Variants in CACNA1F observed in about 807,000 individuals in gnomAD.
The protein encoded by CACNA1F is voltage-dependent L-type calcium channel subunit alpha-1F.
CACNA1F carries 59 observed loss-of-function variants against 143.8 expected under a neutral mutation model. The ratio of observed to expected loss-of-function variants is 0.41; its 90% CI spans 0.33 to 0.51. The LOEUF (loss-of-function observed/expected upper bound fraction) is 0.51, where lower values mean the gene tolerates loss of function less well. Ranked by LOEUF, CACNA1F falls within the 20% of genes least tolerant of loss-of-function variation. The pLI is 0.22. For missense variants in CACNA1F, 1,411 were observed against 1,647.5 expected, an observed-to-expected ratio of 0.86 and a Z score of 2.48; for synonymous variants, 643 against 649.1, an observed-to-expected ratio of 0.99 and a Z score of 0.14.
chrX:49,222,282 C>T, intron 17 of CACNA1F: 4 of 399,479 alleles, frequency 1.0e-5, no homozygotes, highest in East Asian at 3.9e-5. Context: ...ATGTTAGTTC[C>T]ATGAAGGCAA....
intron 8 of CACNA1F, 101 bp from the exon 9 acceptor site, chrX:49,227,228 C>G (rs2065835590): frequency 6.0e-6 from 4 of 664,461 alleles, no homozygotes; most frequent in Non-Finnish European, 9.5e-6. Flanking sequence ...TTGAATATGC[C>G]AAGCACATTC....
At chrX:49,213,362 A>T (rs1398541556) in intron 31 of CACNA1F, among the ~76,000 whole-genome samples, 1 of 111,679 alleles carries the variant, frequency 9.0e-6, no homozygotes, top group Non-Finnish European at 1.9e-5. Flanking sequence ...AGAACCATGT[A>T]GTACCCAATG....
At chrX:49,219,835 T>C in intron 19 of CACNA1F, 45 bp from the exon 20 acceptor site, 1 of 782,042 alleles carries the variant, frequency 1.3e-6, no homozygotes, top group East Asian at 3.4e-5. Flanking sequence ...AGCAAGTTGA[T>C]GTAAAGCACC....
At position 49,228,445 on chromosome X, in the gene CACNA1F, T is replaced by A. The variant is rs1557110578; in HGVS notation, c.820A>T (p.Met274Leu). The change falls in exon 7 of 48, where the codon ATG becomes TTG. Residue 274 changes from methionine (M) to leucine (L), a missense_variant and splice_region_variant. Around this residue, in one of 3 missense-constraint regions of CACNA1F, gnomAD observed 950 missense variants for 1,128.1 expected, o/e 0.84. Coordinates refer to ENST00000323022, the MANE Select transcript of CACNA1F (RefSeq NM_001256789.3). ...HKTCYFLGSDMEAEEDPSPCA... is the reference protein window; with the variant it reads ...HKTCYFLGSDLEAEEDPSPCA... Reference sequence around the variant, plus strand: ...GGCGATGGGTCCTCCTCCGCTTCCATGTCTGCAGGAAGACTGGAGCTTGGG... The same window carrying A: ...GGCGATGGGTCCTCCTCCGCTTCCAAGTCTGCAGGAAGACTGGAGCTTGGG... The A allele has an allele frequency of 2.5e-6, 3 of 1,197,029 alleles. No homozygotes were observed. In the South Asian group the frequency reaches 5.4e-5, roughly 22 times the overall value.
rs781951459 is a variant in CACNA1F, at chrX:49,227,916, C to T, written c.1118+120G>A. ...AATGGTGCCTCACATACAATAGATG[C>T]TCATGATTGAATGAAGGAGTATTTC... is the stretch of plus-strand genomic sequence containing the variant. On this transcript the variant is annotated intron_variant, in intron 8 of 47. Coordinates refer to ENST00000323022, the MANE Select transcript of CACNA1F (RefSeq NM_001256789.3). 492 of 540,750 alleles carry T rather than the reference C, an allele frequency of 9.1e-4. 3 individuals carry two copies. In the South Asian group the frequency reaches 0.012, roughly 13 times the overall value. The allele number at this position is 540,750 out of a possible 1,213,427, so 44.6% of individuals were successfully genotyped here.
In CACNA1F at chrX:49,211,367, A is replaced by C; in HGVS notation, c.4215T>G (p.Phe1405Leu). The C allele has an allele frequency of 4.1e-6, 5 of 1,211,237 alleles. No individual in the cohort carries two copies. The highest frequency in any genetic ancestry group is 5.6e-6 in the Non-Finnish European group (5 of 894,919). The change falls in exon 36 of 48, where the codon TTT becomes TTG. Residue 1405 changes from phenylalanine to leucine, a missense_variant. This residue lies in a region of CACNA1F where 112 missense variants were observed against 169.2 expected (regional missense o/e 0.66). Coordinates refer to ENST00000323022, the MANE Select transcript of CACNA1F (RefSeq NM_001256789.3). ...PGEEFTCGSN[F>L]AIAYFISFFM... is the part of the protein sequence containing the mutation. ...AGAAGCTGATGAAATAGGCGATGGC[A>C]AAATTGCTACCACAGGTAAACTCTT...
intron 1 of CACNA1F, among the ~76,000 whole-genome samples, chrX:49,232,141 C>T (rs1289847601): frequency 1.8e-5 from 2 of 111,003 alleles, no homozygotes; most frequent in Admixed American, 1.9e-4. Context: ...ATTACATTTC[C>T]AAGTGAAGTA....
intron 42 of CACNA1F, 162 bp from the exon 43 acceptor site, chrX:49,208,846 C>A: frequency 2.0e-6 from 1 of 502,651 alleles, no homozygotes. Flanking sequence ...TAAATATTTG[C>A]GATAGGGTCT....
intron 43 of CACNA1F, among the ~76,000 whole-genome samples, chrX:49,208,112 C>T (rs1180967339): frequency 2.9e-5 from 3 of 105,083 alleles, no homozygotes; most frequent in Admixed American, 1.0e-4. Flanking sequence ...GCAGGAGAAT[C>T]GCTTGAACCC....
intron 18 of CACNA1F, 78 bp downstream of exon 18, chrX:49,220,957 C>A (rs905790568): frequency 5.7e-6 from 5 of 882,925 alleles, no homozygotes; most frequent in African/African-American, 3.9e-5. Flanking sequence ...ACAACAACAA[C>A]AAAAAAACAG....
intron 38 of CACNA1F, 24 bp from the exon 39 acceptor site, chrX:49,210,427 C>A (rs1320875423): frequency 7.9e-6 from 9 of 1,138,454 alleles, no homozygotes; most frequent in Non-Finnish European, 1.1e-5. Context: ...AGACATGAAA[C>A]CCACTCTGGG....
intron 2 of CACNA1F, 140 bp from the exon 3 acceptor site, chrX:49,231,447 T>C (rs2065877958): frequency 1.6e-6 from 1 of 616,472 alleles, no homozygotes; most frequent in Non-Finnish European, 2.7e-6. Flanking sequence ...TGACAAGGCC[T>C]TGACTTTGTC....
At chrX:49,225,074 G>C in intron 13 of CACNA1F, 88 bp from the exon 14 acceptor site, 1 of 602,378 alleles carries the variant, frequency 1.7e-6, no homozygotes, top group East Asian at 3.6e-5. Context: ...GGTGACCCAC[G>C]GTAGCTGGTA....
intron 17 of CACNA1F, 45 bp downstream of exon 17, chrX:49,222,477 G>C: frequency 9.1e-7 from 1 of 1,102,831 alleles, no homozygotes; most frequent in Non-Finnish European, 1.2e-6. Flanking sequence ...TTCCCAGTCA[G>C]GGATCCCAGA....
At chrX:49,230,796 C>T in intron 4 of CACNA1F, 54 bp downstream of exon 4, 1 of 1,145,833 alleles carries the variant, frequency 8.7e-7, no homozygotes, top group South Asian at 1.9e-5. Flanking sequence ...CAGAATTCAG[C>T]GGGCCTGACG....
In CACNA1F at chrX:49,230,476, C is replaced by G; in HGVS notation, c.655G>C (p.Gly219Arg). 1 of 1,209,661 alleles carries G rather than the reference C, an allele frequency of 8.3e-7. No homozygotes were observed. Among genetic ancestry groups the G allele is most frequent in the Non-Finnish European group, 1.1e-6 (1 of 894,565 alleles). Residue 219 changes from glycine (G) to arginine (R), a missense_variant, in exon 5 of 48, where the codon GGG becomes CGG. Around this residue, in one of 3 missense-constraint regions of CACNA1F, gnomAD observed 950 missense variants for 1,128.1 expected, o/e 0.84. Transcript: ENST00000323022. Reference sequence around the variant, plus strand: ...GGGATGTGCCACTCACTCGGGACCCCAGACACCAGCCTCAGTGGCCGCAGC... The same window carrying G: ...GGGATGTGCCACTCACTCGGGACCCGAGACACCAGCCTCAGTGGCCGCAGC... Reference protein sequence around the residue: ...RVLRPLRLVSGVPSLHIVLNS... With the variant: ...RVLRPLRLVSRVPSLHIVLNS...
intron 46 of CACNA1F, 128 bp from the exon 47 acceptor site, chrX:49,205,941 G>C: frequency 1.7e-6 from 1 of 584,710 alleles, no homozygotes; most frequent in Non-Finnish European, 2.7e-6. Flanking sequence ...TATAAGTCAG[G>C]CTTGAGTTTA....
chrX:49,212,341 A>G, intron 33 of CACNA1F, 33 bp from the exon 34 acceptor site: 1 of 1,073,983 alleles, frequency 9.3e-7, no homozygotes, highest in Non-Finnish European at 1.3e-6. Flanking sequence ...CAGAGAATAG[A>G]TGCACAGGCT....
In CACNA1F at chrX:49,222,757, C is replaced by T. The variant is rs1569528322; in HGVS notation, c.2167G>A (p.Val723Met). ...YGGPFFPGML[V>M]CIYFIILFIC... is the part of the protein sequence containing the mutation. ...AAGAGAATGATGAAATAGATGCACA[C>T]CAACATTCCTGGGAAGAAGGGGCCA... Residue 723 changes from valine to methionine, a missense_variant, in exon 16 of 48, where the codon GTG becomes ATG. Physicochemically the swap from Val to Met is conservative, Grantham distance 21. Coordinates refer to ENST00000323022, the MANE Select transcript of CACNA1F (RefSeq NM_001256789.3). 7.4e-6 allele frequency: 9 copies of T among 1,208,732 alleles called. No individual in the cohort carries two copies. Among genetic ancestry groups the T allele is most frequent in the Non-Finnish European group, 1.0e-5 (9 of 894,376 alleles).
Sources: gnomAD v4.1 joint callset for allele counts (sites outside exome capture counted in the v4.1 genomes callset) on GRCh38, gnomAD v4.1.1 for gene constraint, gnomAD v4.1.1 regional missense constraint, MANE v1.5 for transcripts, NCBI Gene and HGNC (gene_info 2026-07-23, HGNC 2026-07-21) for gene names.